The following AGAP1 variants were observed in gnomAD, a reference collection of about 807,000 sequenced individuals.
The protein encoded by AGAP1 is arf-GAP with GTPase, ANK repeat and PH domain-containing protein 1.
AGAP1 carries 29 observed loss-of-function variants against 105.3 expected under a neutral mutation model. The observed-to-expected ratio is 0.28, with a 90% CI of 0.21 to 0.38. The LOEUF is 0.38. Ranked by LOEUF, AGAP1 falls within the 10% of genes least tolerant of loss-of-function variation. AGAP1 has a pLI of 1.00. For missense variants in AGAP1, 998 were observed against 1,165.1 expected, an observed-to-expected ratio of 0.86 and a Z score of 2.09; for synonymous variants, 509 against 485.9, an observed-to-expected ratio of 1.05 and a Z score of -0.63.
chr2:236,049,361 C>A, intron 16 of AGAP1, 80 bp downstream of exon 16: 2 of 1,334,036 alleles, frequency 1.5e-6, no homozygotes, highest in South Asian at 1.3e-5. Context: ...ATGACAGCCA[C>A]GGTTGGGAAG....
At chr2:236,077,951 C>G (rs954017365) in intron 16 of AGAP1, among the ~76,000 whole-genome samples, 8 of 152,148 alleles carry the variant, frequency 5.3e-5, no homozygotes, top group Non-Finnish European at 1.2e-4. Flanking sequence ...GCCAGCCTCA[C>G]AGCGATAGGG....
At position 236,020,721 on chromosome 2, in the gene AGAP1, A is replaced by G. The variant is rs1291033224; in HGVS notation, c.1646-15840A>G. Among the ~76,000 whole-genome samples the G allele has an allele frequency of 6.6e-6, 1 of 152,258 alleles. No homozygotes were observed. The highest frequency in any genetic ancestry group is 1.5e-5 in the Non-Finnish European group (1 of 68,052). On this transcript the variant is annotated intron_variant, in intron 13 of 17. Coordinates refer to ENST00000304032, the MANE Select transcript of AGAP1 (RefSeq NM_001037131.3). The surrounding 1 kb of genome is among the most constrained non-coding windows in gnomAD (Gnocchi z 5.0). ...AGCTGGCCGCCGTGGCTGCTATTAAATTGCTATACAGACTTATTTAATAGA... is the reference window on the plus strand; with the variant it reads ...AGCTGGCCGCCGTGGCTGCTATTAAGTTGCTATACAGACTTATTTAATAGA...
At position 235,976,325 on chromosome 2, in the gene AGAP1, T is replaced by C. The variant is rs1559715917; in HGVS notation, c.1645+7702T>C. Among the ~76,000 whole-genome samples, 2 of 152,110 alleles carry C rather than the reference T, an allele frequency of 1.3e-5. No individual in the cohort carries two copies. Among genetic ancestry groups the C allele is most frequent in the Non-Finnish European group, 2.9e-5 (2 of 68,030 alleles). On this transcript the variant is annotated intron_variant, in intron 13 of 17. Transcript: ENST00000304032. This position sits in a 1 kb window ranked among gnomAD's most constrained non-coding sequence, Gnocchi z 4.5. Reference sequence around the variant, plus strand: ...TTACTCTAGACATTGACATTGTAGATTGGGCACAGTTGACTCAAAAGCCAT... The same window carrying C: ...TTACTCTAGACATTGACATTGTAGACTGGGCACAGTTGACTCAAAAGCCAT...
At chr2:235,821,134 T>C (rs1355712343) in intron 9 of AGAP1, among the ~76,000 whole-genome samples, 3 of 152,232 alleles carry the variant, frequency 2.0e-5, no homozygotes, top group African/African-American at 4.8e-5. Context: ...ATTTATAATA[T>C]TAAAATTCTG....
At chr2:235,595,819 C>T (rs1945507773) in intron 1 of AGAP1, among the ~76,000 whole-genome samples, 1 of 152,186 alleles carries the variant, frequency 6.6e-6, no homozygotes, top group African/African-American at 2.4e-5. Context: ...TTTCCGTTGT[C>T]TTTGAAAATT....
At chr2:236,033,391 T>C (rs2057285394) in intron 13 of AGAP1, among the ~76,000 whole-genome samples, 1 of 152,218 alleles carries the variant, frequency 6.6e-6, no homozygotes, top group African/African-American at 2.4e-5. Context: ...CATGCATAGG[T>C]AAAATTTGTT....
rs1951485901 is a variant in AGAP1 at position 235,723,428 on chromosome 2, G to C, written c.310+5784G>C. Among the ~76,000 whole-genome samples, 1 of 152,200 alleles carries C rather than the reference G, an allele frequency of 6.6e-6. No homozygotes were observed. Among genetic ancestry groups the C allele is most frequent in the Admixed American group, 6.5e-5 (1 of 15,278 alleles). Reference sequence around the variant, plus strand: ...CCAGTATTATGTGGACATTAGATAGGAAATGTGGACCTGCCCAAGACACTT... The same window carrying C: ...CCAGTATTATGTGGACATTAGATAGCAAATGTGGACCTGCCCAAGACACTT... On this transcript the variant is annotated intron_variant, in intron 3 of 17. Coordinates refer to ENST00000304032, the MANE Select transcript of AGAP1 (RefSeq NM_001037131.3). This position sits in a 1 kb window ranked among gnomAD's most constrained non-coding sequence, Gnocchi z 6.2.
Position 235,494,639 on chromosome 2 carries a change from G to GGGC in AGAP1, c.-36_-34dup, listed in dbSNP as rs1224063837. 11 of 977,262 alleles carry GGGC rather than the reference G, an allele frequency of 1.1e-5. No homozygotes were observed. The highest frequency in any genetic ancestry group is 1.2e-4 in the East Asian group (1 of 8,484). 60.5% of individuals were successfully genotyped at this position (977,262 alleles called of 1,614,324 possible). On this transcript the variant is annotated 5_prime_UTR_variant, in exon 1 of 18. Transcript: ENST00000304032. ...GGCGGCCCGCGGGCCCCGGGGCGCG[G>GGGC]GGCGGCGGCGGCGGGGGGCGCGCGG... is the stretch of plus-strand genomic sequence containing the variant.
intron 6 of AGAP1, among the ~76,000 whole-genome samples, chr2:235,782,748 TC>T (rs1052589185): frequency 2.0e-5 from 3 of 151,978 alleles, no homozygotes; most frequent in African/African-American, 7.3e-5. Flanking sequence ...TGAATAGGAG[TC>T]CCAGTCACCT....
intron 6 of AGAP1, among the ~76,000 whole-genome samples, chr2:235,779,682 G>A (rs1956139256): frequency 1.3e-5 from 2 of 152,202 alleles, no homozygotes; most frequent in Admixed American, 6.5e-5. Flanking sequence ...TCCTTCAGGT[G>A]AGATCATCAG....
intron 9 of AGAP1, among the ~76,000 whole-genome samples, chr2:235,868,383 C>T (rs570628921): frequency 6.6e-6 from 1 of 152,118 alleles, no homozygotes; most frequent in South Asian, 2.1e-4. Context: ...GCATGCACGG[C>T]CCCCGGTGTC....
Position 235,799,635 on chromosome 2 carries a change from G to C in AGAP1, c.957+113G>C. On this transcript the variant is annotated intron_variant, in intron 8 of 17. Coordinates refer to ENST00000304032, the MANE Select transcript of AGAP1 (RefSeq NM_001037131.3). This position sits in a 1 kb window ranked among gnomAD's most constrained non-coding sequence, Gnocchi z 5.0. ...TTTGTAGAATCTCAACTATATTAAA[G>C]TGAATAACATTGATTTCTGTGGAGG... The C allele has an allele frequency of 8.3e-7, 1 of 1,208,268 alleles. No homozygotes were observed. Among genetic ancestry groups the C allele is most frequent in the Non-Finnish European group, 1.1e-6 (1 of 871,932 alleles). 74.8% of individuals were successfully genotyped at this position (1,208,268 alleles called of 1,614,324 possible).
At chr2:235,802,825 GTTGTGA>G (rs1220586468) in intron 8 of AGAP1, among the ~76,000 whole-genome samples, 7 of 105,836 alleles carry the variant, frequency 6.6e-5, no homozygotes, top group African/African-American at 2.5e-4. Flanking sequence ...TGATGTTGTG[GTTGTGA>G]TGATGGTTAT....
At position 235,720,639 on chromosome 2, in the gene AGAP1, G is replaced by C; in HGVS notation, c.310+2995G>C. ...ATGAAAGGCATTTTGCTGTGTATCT[G>C]CCTGTCCAGATAGTTCCTTGGATTC... is the stretch of plus-strand genomic sequence containing the variant. On this transcript the variant is annotated intron_variant, in intron 3 of 17. Coordinates refer to ENST00000304032, the MANE Select transcript of AGAP1 (RefSeq NM_001037131.3). The surrounding 1 kb of genome is among the most constrained non-coding windows in gnomAD (Gnocchi z 5.0). 1 of 983,640 alleles carries C rather than the reference G, an allele frequency of 1.0e-6. No homozygotes were observed. The highest frequency in any genetic ancestry group is 1.2e-6 in the Non-Finnish European group (1 of 829,664). 60.9% of individuals were successfully genotyped at this position (983,640 alleles called of 1,614,324 possible). A position where few individuals can be genotyped will look rare whatever the true frequency, so the allele number is the denominator to read the frequency against.
chr2:235,784,598 C>A (rs370217655), intron 6 of AGAP1, among the ~76,000 whole-genome samples: 947 of 123,858 alleles, frequency 7.6e-3, no homozygotes, highest in Middle Eastern at 9.3e-3. Flanking sequence ...CTTATTAAAG[C>A]AAAAAAAAAA....
At chr2:236,024,134 AG>A (rs1227182432) in intron 13 of AGAP1, among the ~76,000 whole-genome samples, 4 of 140,972 alleles carry the variant, frequency 2.8e-5, no homozygotes, top group Non-Finnish European at 4.6e-5. Context: ...GGGTTCAAGC[AG>A]TTCTCCTGCC....
chr2:235,650,203 A>G (rs1947535453), intron 1 of AGAP1, among the ~76,000 whole-genome samples: 1 of 152,156 alleles, frequency 6.6e-6, no homozygotes. Flanking sequence ...TCTACTAAAA[A>G]TACAAAAATT....
chr2:235,819,026 C>T (rs1309957512), intron 9 of AGAP1, among the ~76,000 whole-genome samples: 3 of 152,196 alleles, frequency 2.0e-5, no homozygotes, highest in East Asian at 3.9e-4. Flanking sequence ...TCCTTGAGCT[C>T]CAGTGTTCAT....
intron 12 of AGAP1, among the ~76,000 whole-genome samples, chr2:235,956,246 C>T (rs2053944228): frequency 6.6e-6 from 1 of 152,210 alleles, no homozygotes; most frequent in Admixed American, 6.5e-5. Context: ...CAGCGCTGCG[C>T]ATCGTGCCTT....
Sources: allele counts gnomAD v4.1 joint callset (sites outside exome capture counted in the v4.1 genomes callset), GRCh38; gene constraint gnomAD v4.1.1; non-coding constraint Gnocchi (gnomAD v3.1); transcripts MANE v1.5; gene names NCBI Gene and HGNC (gene_info 2026-07-23, HGNC 2026-07-21).